FGF18: variants seen among roughly 807,000 people sequenced by gnomAD.
FGF18 encodes the protein fibroblast growth factor 18.
In FGF18, 5 loss-of-function variants were observed where a neutral mutation model predicts 23.0. The observed-to-expected ratio is 0.22, with a 90% CI of 0.11 to 0.46. The LOEUF is 0.46. Among genes scored for constraint, FGF18 ranks in the 20% least tolerant of loss-of-function variants. The pLI, the probability that FGF18 is intolerant of heterozygous loss-of-function variation, is 0.99. For synonymous variants in FGF18, 117 were observed against 118.9 expected (o/e 0.98, Z 0.10); for missense variants, 180 against 291.6 (o/e 0.62, Z 2.79).
chr5:171,420,061 C>CAGCAGCAGCAGCCGGCGAGGAGGG lies in FGF18; in HGVS notation c.-126_-103dup. The CAGCAGCAGCAGCCGGCGAGGAGGG allele has an allele frequency of 1.7e-6, 1 of 590,790 alleles. No individual in the cohort carries two copies. 36.6% of individuals were successfully genotyped at this position (590,790 alleles called of 1,614,324 possible). ...GAGCGCCCCGGAGCAGCAGAGTCTG[C>CAGCAGCAGCAGCCGGCGAGGAGGG]AGCAGCAGCAGCCGGCGAGGAGGGA... On this transcript the variant is annotated 5_prime_UTR_variant, in exon 1 of 5. Transcript: ENST00000274625.
At chr5:171,427,509 G>C (rs1772109162) in intron 2 of FGF18, among the ~76,000 whole-genome samples, 1 of 152,180 alleles carries the variant, frequency 6.6e-6, no homozygotes, top group African/African-American at 2.4e-5. Flanking sequence ...AGACTGTGTG[G>C]CCTTGGGCGA....
At chr5:171,443,135 CTT>C (rs551889632) in intron 3 of FGF18, among the ~76,000 whole-genome samples, 2 of 147,248 alleles carry the variant, frequency 1.4e-5, no homozygotes. Flanking sequence ...CATTCACACA[CTT>C]TTTTTTTTTT....
At chr5:171,453,942 C>T (rs373351728) in intron 4 of FGF18, among the ~76,000 whole-genome samples, 22 of 152,192 alleles carry the variant, frequency 1.4e-4, no homozygotes, top group African/African-American at 5.1e-4. Context: ...AATGAAAATG[C>T]GTTCAACCCC....
At chr5:171,429,917 G>A (rs1380527745) in intron 2 of FGF18, among the ~76,000 whole-genome samples, 2 of 152,236 alleles carry the variant, frequency 1.3e-5, no homozygotes, top group Non-Finnish European at 2.9e-5. Flanking sequence ...GGTGGGTGAG[G>A]AAGAGGAGGG....
At position 171,420,396 on chromosome 5, in the gene FGF18, G is replaced by A. The variant is rs779154780; in HGVS notation, c.33-11G>A. On this transcript the variant is annotated splice_polypyrimidine_tract_variant and intron_variant, in intron 1 of 4. Coordinates refer to ENST00000274625, the MANE Select transcript of FGF18 (RefSeq NM_003862.3). ...GGTCCCACTGACCGCTTCTCCATCTGTTTCCCGCAGGTGTTTACACTTCCT... is the reference window on the plus strand; with the variant it reads ...GGTCCCACTGACCGCTTCTCCATCTATTTCCCGCAGGTGTTTACACTTCCT... 6.2e-7 allele frequency: 1 copy of A among 1,613,560 alleles called. No homozygotes were observed. Among genetic ancestry groups the A allele is most frequent in the Non-Finnish European group, 8.5e-7 (1 of 1,179,800 alleles).
In FGF18 at chr5:171,451,963, G is replaced by C. The variant is rs1320140644; in HGVS notation, c.357+2710G>C. ...ACCTGGGTTGTCACTGTTTGTCTTTGTGCCTGCATCCTCTGTCACACTGGG... is the reference window on the plus strand; with the variant it reads ...ACCTGGGTTGTCACTGTTTGTCTTTCTGCCTGCATCCTCTGTCACACTGGG... On this transcript the variant is annotated intron_variant, in intron 4 of 4. Transcript: ENST00000274625. This position sits in a 1 kb window ranked among gnomAD's most constrained non-coding sequence, Gnocchi z 4.5. Among the ~76,000 whole-genome samples, 1 of 151,944 alleles carries C rather than the reference G, an allele frequency of 6.6e-6. No individual in the cohort carries two copies. Among genetic ancestry groups the C allele is most frequent in the African/African-American group, 2.4e-5 (1 of 41,400 alleles).
Position 171,457,013 on chromosome 5 carries a change from C to CAAAAGACAAAAGACG in FGF18, c.*208_*209insAAAAGACAAAAGACG. The CAAAAGACAAAAGACG allele has an allele frequency of 1.6e-6, 1 of 638,244 alleles. No homozygotes were observed. The highest frequency in any genetic ancestry group is 2.6e-6 in the Non-Finnish European group (1 of 382,064). The allele number at this position is 638,244 out of a possible 1,614,324, so 39.5% of individuals were successfully genotyped here. ...ACTTGAAACCCCCGATGACAAAAGA[C>CAAAAGACAAAAGACG]TCACGCAAAGGGACTGTAGTCAACC... is the stretch of plus-strand genomic sequence containing the variant. On this transcript the variant is annotated 3_prime_UTR_variant, in exon 5 of 5. Coordinates refer to ENST00000274625, the MANE Select transcript of FGF18 (RefSeq NM_003862.3).
chr5:171,422,450 A>AG (rs1291693352), intron 2 of FGF18, among the ~76,000 whole-genome samples: 5 of 152,192 alleles, frequency 3.3e-5, no homozygotes, highest in Non-Finnish European at 5.9e-5. Context: ...GGATTGTGGG[A>AG]GGGGGAGGTC....
intron 2 of FGF18, among the ~76,000 whole-genome samples, chr5:171,426,812 G>T (rs1012308585): frequency 6.6e-6 from 1 of 152,236 alleles, no homozygotes; most frequent in African/African-American, 2.4e-5. Context: ...GGAAACCTAG[G>T]TTGAATCCTG....
intron 1 of FGF18, 83 bp from the exon 2 acceptor site, chr5:171,420,324 C>T (rs573484628): frequency 9.9e-4 from 1,592 of 1,606,598 alleles, no homozygotes; most frequent in Non-Finnish European, 1.3e-3. Context: ...GTCGGTTCAC[C>T]TGACTCTTCG....
chr5:171,435,370 G>A (rs138206633), intron 2 of FGF18, among the ~76,000 whole-genome samples: 63 of 152,326 alleles, frequency 4.1e-4, no homozygotes, highest in Middle Eastern at 6.8e-3. Context: ...AGATGAGCAC[G>A]ATATGTGTTG....
At chr5:171,437,166 G>A (rs569906279) in intron 3 of FGF18, among the ~76,000 whole-genome samples, 20 of 152,364 alleles carry the variant, frequency 1.3e-4, no homozygotes, top group East Asian at 1.2e-3. Flanking sequence ...ATCTGGGGCC[G>A]TGGTCCTGTG....
chr5:171,438,815 G>A (rs1416522643), intron 3 of FGF18, among the ~76,000 whole-genome samples: 2 of 151,924 alleles, frequency 1.3e-5, no homozygotes, highest in Non-Finnish European at 2.9e-5. Flanking sequence ...AAATATTATT[G>A]GGAGGGTGAT....
intron 3 of FGF18, among the ~76,000 whole-genome samples, chr5:171,439,360 C>T (rs1344986989): frequency 6.6e-6 from 1 of 152,136 alleles, no homozygotes; most frequent in Non-Finnish European, 1.5e-5. Flanking sequence ...CTTAGCCTTG[C>T]CTTGGGTTCT....
Position 171,451,267 on chromosome 5 carries a change from G to A in FGF18, c.357+2014G>A, listed in dbSNP as rs1772503730. ...CGCTCCCGCCCAGGCCTCCACGCCC[G>A]ACCCCAACCCTTGCCAGCCTCCTGT... On this transcript the variant is annotated intron_variant, in intron 4 of 4. Transcript: ENST00000274625. The surrounding 1 kb of genome is among the most constrained non-coding windows in gnomAD (Gnocchi z 4.5). Among the ~76,000 whole-genome samples the A allele has an allele frequency of 6.8e-6, 1 of 147,708 alleles. No individual in the cohort carries two copies. The highest frequency in any genetic ancestry group is 2.5e-5 in the African/African-American group (1 of 40,670).
chr5:171,455,934 GA>G (rs1333242935), intron 4 of FGF18, among the ~76,000 whole-genome samples: 1 of 152,122 alleles, frequency 6.6e-6, no homozygotes, highest in Non-Finnish European at 1.5e-5. Context: ...GAGGGTGGGG[GA>G]AAGATGCAGG....
At chr5:171,420,294 G>T in intron 1 of FGF18, 63 bp downstream of exon 1, 1 of 1,607,644 alleles carries the variant, frequency 6.2e-7, no homozygotes, top group Non-Finnish European at 8.5e-7. Context: ...CCTGTGCCCT[G>T]TACCTCTGTC....
chr5:171,421,252 G>A (rs1032123409), intron 2 of FGF18, among the ~76,000 whole-genome samples: 1 of 152,178 alleles, frequency 6.6e-6, no homozygotes, highest in African/African-American at 2.4e-5. Context: ...GGGTTGGGGG[G>A]AGGGAGAGAG....
rs377227813 is a variant in FGF18 at position 171,436,128 on chromosome 5, C to G, written c.105C>G (p.Ile35Met). The change falls in exon 3 of 5, where the codon ATC becomes ATG. Residue 35 changes from isoleucine (I) to methionine (M), a missense_variant. By Grantham distance (10) the Ile-to-Met change is conservative. This residue lies in a region of FGF18 where 57 missense variants were observed against 59.8 expected (regional missense o/e 0.95). Coordinates refer to ENST00000274625, the MANE Select transcript of FGF18 (RefSeq NM_003862.3). This position sits in a 1 kb window ranked among gnomAD's most constrained non-coding sequence, Gnocchi z 4.4. ...LVAEENVDFR[I>M]HVENQTRARD... Reference sequence around the variant, plus strand: ...CCGAGGAGAACGTGGACTTCCGCATCCACGTGGAGAACCAGACGCGGGCTC... The same window carrying G: ...CCGAGGAGAACGTGGACTTCCGCATGCACGTGGAGAACCAGACGCGGGCTC... The G allele has an allele frequency of 1.9e-4, 305 of 1,579,084 alleles. No individual in the cohort carries two copies. Among genetic ancestry groups the G allele is most frequent in the Non-Finnish European group, 2.6e-4 (296 of 1,158,616 alleles).
Sources: gnomAD v4.1 joint callset for allele counts (sites outside exome capture counted in the v4.1 genomes callset) on GRCh38, gnomAD v4.1.1 for gene constraint, gnomAD v4.1.1 regional missense constraint, Gnocchi (gnomAD v3.1) non-coding constraint, MANE v1.5 for transcripts, NCBI Gene and HGNC (gene_info 2026-07-23, HGNC 2026-07-21) for gene names.